The following KLHL8 variants were observed in gnomAD, a reference collection of about 807,000 sequenced individuals.
The protein encoded by KLHL8 is kelch-like protein 8.
KLHL8 carries 38 observed loss-of-function variants against 63.5 expected under a neutral mutation model. That is an observed-to-expected ratio of 0.60 (90% CI 0.46 to 0.78). The LOEUF (loss-of-function observed/expected upper bound fraction) is 0.78. KLHL8 is among the 30% of genes least tolerant of loss of function. KLHL8 has a pLI of 0.00. For missense variants in KLHL8, 566 were observed against 752.4 expected (o/e 0.75, Z 2.90); for synonymous variants, 224 against 254.3 (o/e 0.88, Z 1.13).
chr4:87,165,911 T>C (rs913329002), intron 8 of KLHL8, among the ~76,000 whole-genome samples: 1 of 152,178 alleles, frequency 6.6e-6, no homozygotes, highest in African/African-American at 2.4e-5. Flanking sequence ...ACCAAGAAGA[T>C]TTTTTTAATG....
chr4:87,172,355 A>C (rs1198883886), intron 6 of KLHL8, among the ~76,000 whole-genome samples: 1 of 152,192 alleles, frequency 6.6e-6, no homozygotes, highest in African/African-American at 2.4e-5. Flanking sequence ...TCCAGACAAA[A>C]GCCTAGCCCA....
Position 87,220,480 on chromosome 4 carries a change from A to G in KLHL8, c.-214T>C, listed in dbSNP as rs62308866. 37,500 of 152,194 alleles carry G rather than the reference A, an allele frequency of 0.25. 5,322 individuals are homozygous for G. Among genetic ancestry groups the G allele is most frequent in the Non-Finnish European group, 0.31 (21,344 of 68,030 alleles). 9.4% of individuals were successfully genotyped at this position (152,194 alleles called of 1,614,324 possible). A position where few individuals can be genotyped will look rare whatever the true frequency, so the allele number is the denominator to read the frequency against. On this transcript the variant is annotated 5_prime_UTR_variant, in exon 1 of 10. Transcript: ENST00000273963. ...GTTGCAGCCACGTTACCACGCTCCC[A>G]GAGCCCCGGCCGCCCTCAGCGGAAC...
chr4:87,182,946 A>T (rs923705945), intron 4 of KLHL8, among the ~76,000 whole-genome samples: 2 of 152,222 alleles, frequency 1.3e-5, no homozygotes, highest in African/African-American at 4.8e-5. Flanking sequence ...CAGAATCGGG[A>T]AAGATCTCAA....
At chr4:87,222,396 T>C (rs1338850096), upstream of KLHL8, among the ~76,000 whole-genome samples, 2 of 152,180 alleles carry the variant, frequency 1.3e-5, no homozygotes, top group East Asian at 1.9e-4. Context: ...CATTGAGTCA[T>C]TGGGTAATCA....
chr4:87,223,212 G>T (rs1249254594), upstream of KLHL8, among the ~76,000 whole-genome samples: 1 of 151,890 alleles, frequency 6.6e-6, no homozygotes, highest in African/African-American at 2.4e-5. Context: ...GGTCACAAGG[G>T]ATCTGCCTTT....
At chr4:87,228,030 A>T (rs1733064790) in intron 1 of KLHL8, among the ~76,000 whole-genome samples, 1 of 152,116 alleles carries the variant, frequency 6.6e-6, no homozygotes. Context: ...AATGAAACTC[A>T]AAAAAACCCT....
intron 1 of KLHL8, among the ~76,000 whole-genome samples, chr4:87,238,404 T>C (rs1039769453): frequency 6.6e-6 from 1 of 152,244 alleles, no homozygotes. Context: ...GAAAATGTTC[T>C]TGGCCAGGCA....
intron 1 of KLHL8, among the ~76,000 whole-genome samples, chr4:87,236,205 T>G (rs866214302): frequency 6.9e-5 from 10 of 144,392 alleles, no homozygotes; most frequent in African/African-American, 2.7e-4. Context: ...TTCTTTTTCC[T>G]TTTCCTTTTT....
At chr4:87,168,721 CGTATATATATGT>C in intron 8 of KLHL8, among the ~76,000 whole-genome samples, 1 of 122,938 alleles carries the variant, frequency 8.1e-6, no homozygotes, top group Non-Finnish European at 1.7e-5. Context: ...TATATATATA[CGTATATATATGT>C]GTGTATATAT....
chr4:87,182,265 T>G (rs1295000063), intron 4 of KLHL8, among the ~76,000 whole-genome samples: 2 of 148,570 alleles, frequency 1.3e-5, no homozygotes, highest in Non-Finnish European at 3.0e-5. Flanking sequence ...CTTACTTACA[T>G]CAACCTATAA....
chr4:87,205,924 G>C (rs1232810699), intron 1 of KLHL8, among the ~76,000 whole-genome samples: 4 of 152,178 alleles, frequency 2.6e-5, no homozygotes, highest in Non-Finnish European at 4.4e-5. Context: ...CCACACTACA[G>C]TTCAAAGCAC....
chr4:87,195,839 T>C (rs1372213683), intron 1 of KLHL8, 149 bp from the exon 2 acceptor site: 3 of 250,386 alleles, frequency 1.2e-5, no homozygotes, highest in East Asian at 8.1e-5. Flanking sequence ...AAATAACACA[T>C]AATTCACTTT....
At chr4:87,230,654 A>G (rs1222115293) in intron 1 of KLHL8, among the ~76,000 whole-genome samples, 1 of 152,166 alleles carries the variant, frequency 6.6e-6, no homozygotes, top group East Asian at 1.9e-4. Context: ...ATGTGTATAT[A>G]AGTACTGATT....
At chr4:87,197,899 T>C (rs1731757772) in intron 1 of KLHL8, among the ~76,000 whole-genome samples, 1 of 151,762 alleles carries the variant, frequency 6.6e-6, no homozygotes, top group African/African-American at 2.4e-5. Flanking sequence ...TATGGGTCTC[T>C]ATCACAACTA....
chr4:87,232,083 T>A (rs933348775), intron 1 of KLHL8, among the ~76,000 whole-genome samples: 4 of 152,244 alleles, frequency 2.6e-5, no homozygotes, highest in Admixed American at 2.6e-4. Context: ...AGGTTAATTA[T>A]TCTTTATGAG....
chr4:87,162,222 C>T lies in KLHL8; in HGVS notation c.*1297G>A, dbSNP rs1197283620. The T allele has an allele frequency of 6.6e-6, 1 of 151,948 alleles. No individual in the cohort carries two copies. The highest frequency in any genetic ancestry group is 2.4e-5 in the African/African-American group (1 of 41,350). The allele number at this position is 151,948 out of a possible 1,614,324, so 9.4% of individuals were successfully genotyped here. Reference sequence around the variant, plus strand: ...GAGGTGCCAAACTGCACTGCAAATACAAAATAAAATATTTTCATGTTCTTG... The same window carrying T: ...GAGGTGCCAAACTGCACTGCAAATATAAAATAAAATATTTTCATGTTCTTG... On this transcript the variant is annotated 3_prime_UTR_variant, in exon 10 of 10. Transcript: ENST00000273963.
chr4:87,182,000 A>G (rs1034586483), intron 4 of KLHL8, among the ~76,000 whole-genome samples: 3 of 152,058 alleles, frequency 2.0e-5, no homozygotes, highest in Admixed American at 2.0e-4. Flanking sequence ...AGGCCAAGGC[A>G]GGCAGATCAC....
rs770266188 is a variant in KLHL8, at chr4:87,195,479, G to T, written c.61C>A (p.Gln21Lys). The change falls in exon 2 of 10, where the codon CAA (glutamine) becomes AAA (lysine). Residue 21 changes from glutamine (Q) to lysine (K), a missense_variant. Physicochemically the swap from Gln to Lys is moderately conservative, Grantham distance 53. Transcript: ENST00000273963. ...TTCTTTATTTGCTGGTGCTGTTGTTGCCTTTTCCCCTTTGTAATGTGATTC... is the reference window on the plus strand; with the variant it reads ...TTCTTTATTTGCTGGTGCTGTTGTTTCCTTTTCCCCTTTGTAATGTGATTC... ...ARNHITKGKR[Q>K]QQHQQIKNRS... The T allele has an allele frequency of 1.9e-6, 3 of 1,613,836 alleles. No homozygotes were observed. The South Asian group carries it at 3.3e-5, about 18-fold the overall frequency.
In KLHL8 at chr4:87,164,094, A is replaced by G; in HGVS notation, c.1538-15T>C. On this transcript the variant is annotated splice_polypyrimidine_tract_variant and intron_variant, in intron 8 of 9. Transcript: ENST00000273963. ...ATCAAAACCACCTATGTAAAGAAAT[A>G]TTTTAAAAACAGCATTACATTCCTT... is the stretch of plus-strand genomic sequence containing the variant. The G allele has an allele frequency of 6.2e-7, 1 of 1,604,724 alleles. No homozygotes were observed. The highest frequency in any genetic ancestry group is 1.3e-5 in the African/African-American group (1 of 74,878).
Sources: gnomAD v4.1 joint callset for allele counts (sites outside exome capture counted in the v4.1 genomes callset) on GRCh38, gnomAD v4.1.1 for gene constraint, MANE v1.5 for transcripts, NCBI Gene and HGNC (gene_info 2026-07-23, HGNC 2026-07-21) for gene names.